CCAR2: variants seen among roughly 807,000 people sequenced by gnomAD.
The protein encoded by CCAR2 is cell cycle and apoptosis regulator 2, also known as cell cycle and apoptosis regulator protein 2.
A neutral mutation model predicts 108.1 loss-of-function variants in CCAR2; 21 were observed. The observed-to-expected ratio is 0.19, with a 90% CI of 0.14 to 0.28. The LOEUF (loss-of-function observed/expected upper bound fraction) is 0.28, where lower values mean the gene tolerates loss of function less well. CCAR2 is among the 10% of genes least tolerant of loss of function. CCAR2 has a pLI of 1.00. For synonymous variants in CCAR2, 577 were observed against 472.8 expected, an observed-to-expected ratio of 1.22 and a Z score of -2.86; for missense variants, 1,126 against 1,177.0, an observed-to-expected ratio of 0.96 and a Z score of 0.63.
intron 8 of CCAR2, 140 bp from the exon 9 acceptor site, chr8:22,613,952 T>C (rs1292838733): frequency 4.4e-6 from 3 of 678,138 alleles, no homozygotes; most frequent in Non-Finnish European, 7.5e-6. Flanking sequence ...TCAGATCTGA[T>C]CTAGCTTCCT....
intron 7 of CCAR2, 142 bp downstream of exon 7, chr8:22,608,207 G>A (rs1235794973): frequency 3.2e-6 from 2 of 620,844 alleles, no homozygotes; most frequent in Non-Finnish European, 5.7e-6. Context: ...AACATTCTTT[G>A]CCTGCAGCTA....
At chr8:22,607,467 G>GTTTTTT (rs34256757) in intron 6 of CCAR2, 142 bp downstream of exon 6, 7 of 403,930 alleles carry the variant, frequency 1.7e-5, no homozygotes, top group Non-Finnish European at 2.4e-5. Flanking sequence ...GGTGTTTAGG[G>GTTTTTT]TTTTTTTTTT....
intron 14 of CCAR2, 47 bp downstream of exon 14, chr8:22,616,295 C>G: frequency 6.4e-7 from 1 of 1,552,594 alleles, no homozygotes; most frequent in Non-Finnish European, 8.9e-7. Flanking sequence ...ACCGTGACCG[C>G]GCACCTTTAC....
At position 22,620,054 on chromosome 8, in the gene CCAR2, T is replaced by G; in HGVS notation, c.*372T>G. 1 of 250,628 alleles carries G rather than the reference T, an allele frequency of 4.0e-6. No homozygotes were observed. The highest frequency in any genetic ancestry group is 5.4e-5 in the South Asian group (1 of 18,562). 15.5% of individuals were successfully genotyped at this position (250,628 alleles called of 1,614,324 possible). On this transcript the variant is annotated 3_prime_UTR_variant, in exon 21 of 21. Transcript: ENST00000308511. ...GGCTTTTCGAGTGTGGGACAAGGTC[T>G]GATGTCAGTGAACGGAACTGAAGAG... is the stretch of plus-strand genomic sequence containing the variant.
chr8:22,617,828 C>G, intron 16 of CCAR2, 50 bp downstream of exon 16: 1 of 1,585,708 alleles, frequency 6.3e-7, no homozygotes, highest in Non-Finnish European at 8.6e-7. Flanking sequence ...TGAGGCTTGG[C>G]AAGGCCTCTG....
chr8:22,608,082 CCTTT>C lies in CCAR2; in HGVS notation c.584+18_584+21del. The C allele has an allele frequency of 6.3e-7, 1 of 1,593,120 alleles. No homozygotes were observed. Among genetic ancestry groups the C allele is most frequent in the Non-Finnish European group, 8.6e-7 (1 of 1,165,800 alleles). ...GGGCCGAAGGTAAGAGGATGATGTC[CCTTT>C]TTTTGGCCACTTGTTGACACTAACA... On this transcript the variant is annotated intron_variant, in intron 7 of 20. Coordinates refer to ENST00000308511, the MANE Select transcript of CCAR2 (RefSeq NM_001393997.1).
intron 7 of CCAR2, among the ~76,000 whole-genome samples, chr8:22,610,558 A>G (rs1801233235): frequency 6.6e-6 from 1 of 152,206 alleles, no homozygotes; most frequent in Non-Finnish European, 1.5e-5. Flanking sequence ...CGAGCTGGAG[A>G]GTTGTCAAAG....
downstream of CCAR2, chr8:22,620,818 T>G (rs1434508607): frequency 6.6e-6 from 1 of 152,324 alleles, no homozygotes; most frequent in East Asian, 1.9e-4. Context: ...TGTGGGACAG[T>G]TCCACTGACA....
chr8:22,612,103 A>T (rs1046112647), intron 7 of CCAR2, among the ~76,000 whole-genome samples: 5 of 151,646 alleles, frequency 3.3e-5, no homozygotes, highest in Non-Finnish European at 7.4e-5. Flanking sequence ...GTGCAACCAC[A>T]CCTGGCTACT....
Position 22,606,935 on chromosome 8 carries a change from C to T in CCAR2, c.268C>T (p.Leu90=), listed in dbSNP as rs200528896. The change falls in exon 5 of 21, where the codon CTG becomes TTG. Residue 90 remains leucine, a synonymous_variant. Transcript: ENST00000308511. ...LSVVKGRLPQ[L]GEKVLVKAAY... ...TGTGGTGAAGGGCCGTCTGCCCCAGCTGGGTGAGAAGGTGCTGGTGAAGGC... is the reference window on the plus strand; with the variant it reads ...TGTGGTGAAGGGCCGTCTGCCCCAGTTGGGTGAGAAGGTGCTGGTGAAGGC... 1.9e-6 allele frequency: 3 copies of T among 1,614,012 alleles called. No homozygotes were observed. Among genetic ancestry groups the T allele is most frequent in the Middle Eastern group, 1.6e-4 (1 of 6,084 alleles).
At chr8:22,611,762 G>A (rs1283525432) in intron 7 of CCAR2, among the ~76,000 whole-genome samples, 1 of 152,124 alleles carries the variant, frequency 6.6e-6, no homozygotes, top group Non-Finnish European at 1.5e-5. Context: ...GTATTGCTGA[G>A]TATGTATTTG....
chr8:22,619,041 A>G lies in CCAR2; in HGVS notation c.2521+26A>G, dbSNP rs1320143751. 4 of 1,609,294 alleles carry G rather than the reference A, an allele frequency of 2.5e-6. No individual in the cohort carries two copies. In the African/African-American group the frequency reaches 4.0e-5, roughly 16 times the overall value. Reference sequence around the variant, plus strand: ...GTGAGGGCCTGGGGCTGCAGCCACCATGGGGTCACATGCAGACCAGTAGGG... The same window carrying G: ...GTGAGGGCCTGGGGCTGCAGCCACCGTGGGGTCACATGCAGACCAGTAGGG... On this transcript the variant is annotated intron_variant, in intron 19 of 20. Coordinates refer to ENST00000308511, the MANE Select transcript of CCAR2 (RefSeq NM_001393997.1).
At position 22,618,950 on chromosome 8, in the gene CCAR2, C is replaced by T. The variant is rs200846755; in HGVS notation, c.2456C>T (p.Ala819Val). 10 of 1,613,530 alleles carry T rather than the reference C, an allele frequency of 6.2e-6. No homozygotes were observed. The highest frequency in any genetic ancestry group is 2.7e-5 in the African/African-American group (2 of 74,932). ...LINVGSLLQR[A>V]EQQDSGRLYL... ...AACGTGGGGAGCCTGCTGCAGCGCG[C>T]GGAGCAGCAGGACAGCGGCCGGCTC... Residue 819 changes from alanine to valine, a missense_variant, in exon 19 of 21, where the codon GCG becomes GTG. Physicochemically the swap from Ala to Val is moderately conservative, Grantham distance 64. This residue lies in a region of CCAR2 where 1,013 missense variants were observed against 993.9 expected (regional missense o/e 1.02). Coordinates refer to ENST00000308511, the MANE Select transcript of CCAR2 (RefSeq NM_001393997.1).
intron 1 of CCAR2, chr8:22,605,099 C>T (rs1801015419): frequency 4.0e-6 from 1 of 252,842 alleles, no homozygotes; most frequent in Admixed American, 5.8e-5. Flanking sequence ...CTGGCGGCTG[C>T]TGAGGCCGGA....
chr8:22,605,852 C>G (rs762574353), intron 2 of CCAR2, 21 bp downstream of exon 2: 1 of 1,610,490 alleles, frequency 6.2e-7, no homozygotes, highest in Non-Finnish European at 8.5e-7. Flanking sequence ...TTCTCCCTAC[C>G]TGGCCTCATC....
intron 20 of CCAR2, 77 bp downstream of exon 20, chr8:22,619,432 G>A (rs772550104): frequency 5.7e-5 from 85 of 1,498,970 alleles, no homozygotes; most frequent in African/African-American, 4.9e-4. Context: ...GCGCTTGCCC[G>A]TGTCGGGAGT....
In CCAR2 at chr8:22,617,522, C is replaced by T; in HGVS notation, c.1948C>T (p.Pro650Ser). 6.2e-7 allele frequency: 1 copy of T among 1,604,320 alleles called. No homozygotes were observed. Among genetic ancestry groups the T allele is most frequent in the Non-Finnish European group, 8.5e-7 (1 of 1,175,038 alleles). ...SEDLCEMALD[P>S]ELLLLRDDGE... ...GGACCTGTGTGAGATGGCCCTGGAC[C>T]CAGAACTGTTGCTTCTGAGGGATGA... is the stretch of plus-strand genomic sequence containing the variant. The change falls in exon 15 of 21, where the codon CCA becomes TCA. Residue 650 changes from proline to serine, a missense_variant. Physicochemically the swap from Pro to Ser is moderately conservative, Grantham distance 74. Around this residue, in one of 4 missense-constraint regions of CCAR2, gnomAD observed 1,013 missense variants for 993.9 expected, o/e 1.02. Coordinates refer to ENST00000308511, the MANE Select transcript of CCAR2 (RefSeq NM_001393997.1).
At chr8:22,608,121 T>C (rs1184760345) in intron 7 of CCAR2, 56 bp downstream of exon 7, 12 of 1,366,214 alleles carry the variant, frequency 8.8e-6, no homozygotes, top group Non-Finnish European at 1.2e-5. Context: ...ATTCTCTTTA[T>C]TTTATTATTA....
chr8:22,619,731 C>T lies in CCAR2; in HGVS notation c.*49C>T, dbSNP rs199947869. ...CTGTGAGGGCAGCGGTGGCGCCCGGCAAAGTTGGAGCCCTTGCGGTACCAG... is the reference window on the plus strand; with the variant it reads ...CTGTGAGGGCAGCGGTGGCGCCCGGTAAAGTTGGAGCCCTTGCGGTACCAG... On this transcript the variant is annotated 3_prime_UTR_variant, in exon 21 of 21. Coordinates refer to ENST00000308511, the MANE Select transcript of CCAR2 (RefSeq NM_001393997.1). 1.2e-5 allele frequency: 18 copies of T among 1,543,834 alleles called. No homozygotes were observed. The South Asian group carries it at 1.9e-4, about 16-fold the overall frequency.
Sources: allele counts gnomAD v4.1 joint callset (sites outside exome capture counted in the v4.1 genomes callset), GRCh38; gene constraint gnomAD v4.1.1; regional missense constraint gnomAD v4.1.1; transcripts MANE v1.5; gene names NCBI Gene and HGNC (gene_info 2026-07-23, HGNC 2026-07-21).